The following ACSM2B variants were observed in gnomAD, a reference collection of about 807,000 sequenced individuals.
The protein encoded by ACSM2B is acyl-coenzyme A synthetase ACSM2B, mitochondrial.
In ACSM2B, 58 loss-of-function variants were observed where a neutral mutation model predicts 78.6. The observed-to-expected ratio is 0.74, with a 90% CI of 0.60 to 0.92. The LOEUF is 0.92. Ranked by LOEUF, ACSM2B falls within the 40% of genes least tolerant of loss-of-function variation. ACSM2B has a pLI of 0.00. For missense variants in ACSM2B, 688 were observed against 711.2 expected, an observed-to-expected ratio of 0.97 and a Z score of 0.37; for synonymous variants, 257 against 256.8, an observed-to-expected ratio of 1.00 and a Z score of -0.01.
At position 20,543,247 on chromosome 16, in the gene ACSM2B, T is replaced by C; in HGVS notation, c.1297A>G (p.Thr433Ala). Residue 433 changes from threonine (T) to alanine (A), a missense_variant, in exon 11 of 14, where the codon ACA becomes GCA. Thr to Ala is a moderately conservative substitution (Grantham distance 58). Coordinates refer to ENST00000329697, the MANE Select transcript of ACSM2B (RefSeq NM_001105069.2). ...AAGTCTCCTCGAATGTTGGCTGCTG[T>C]CTTGTCGGGATTTTCCTGGTGACCA... ...FSGYVENPDK[T>A]AANIRGDFWL... 2 of 1,612,224 alleles carry C rather than the reference T, an allele frequency of 1.2e-6. No homozygotes were observed. The highest frequency in any genetic ancestry group is 1.1e-5 in the South Asian group (1 of 90,948).
chr16:20,556,004 A>G (rs1023755427), intron 3 of ACSM2B, among the ~76,000 whole-genome samples: 3 of 152,238 alleles, frequency 2.0e-5, no homozygotes, highest in East Asian at 1.9e-4. Context: ...TTTATTGGGT[A>G]CAAAGCGGTA....
intron 1 of ACSM2B, among the ~76,000 whole-genome samples, chr16:20,573,154 T>G (rs1291587858): frequency 3.3e-5 from 5 of 151,904 alleles, no homozygotes; most frequent in African/African-American, 7.2e-5. Context: ...TTTTATCATA[T>G]TCCCAGAATC....
intron 13 of ACSM2B, among the ~76,000 whole-genome samples, chr16:20,540,224 GTTTTTTTTT>G (rs67241828): frequency 5.2e-5 from 4 of 77,396 alleles, no homozygotes; most frequent in Non-Finnish European, 1.6e-4. Flanking sequence ...TTTTTTTTTT[GTTTTTTTTT>G]TTTGTTTGTT....
intron 1 of ACSM2B, among the ~76,000 whole-genome samples, chr16:20,570,815 C>T (rs1207158086): frequency 6.6e-6 from 1 of 151,772 alleles, no homozygotes; most frequent in Non-Finnish European, 1.5e-5. Flanking sequence ...TTGTATCTTC[C>T]CAAGAATTTA....
At chr16:20,564,547 T>C (rs1230780168) in intron 2 of ACSM2B, 122 bp downstream of exon 2, 2 of 1,479,036 alleles carry the variant, frequency 1.4e-6, no homozygotes, top group Non-Finnish European at 1.8e-6. Flanking sequence ...GAGTGTCTTG[T>C]CCATAGCTTA....
At chr16:20,566,173 G>T (rs111928576) in intron 1 of ACSM2B, among the ~76,000 whole-genome samples, 14 of 133,394 alleles carry the variant, frequency 1.0e-4, no homozygotes, top group Non-Finnish European at 1.6e-5. Flanking sequence ...TGTAATAAAC[G>T]TCACACTCCT....
intron 6 of ACSM2B, 36 bp downstream of exon 6, chr16:20,552,108 C>T: frequency 6.4e-7 from 1 of 1,560,288 alleles, no homozygotes; most frequent in Non-Finnish European, 8.6e-7. Flanking sequence ...CTCGGGCTCA[C>T]TCTGAATAAC....
At chr16:20,555,646 A>T (rs1242192932) in intron 3 of ACSM2B, among the ~76,000 whole-genome samples, 170 bp from the exon 4 acceptor site, 1 of 152,024 alleles carries the variant, frequency 6.6e-6, no homozygotes, top group Non-Finnish European at 1.5e-5. Context: ...AGTGAATGAA[A>T]CCTAGGATTC....
chr16:20,555,057 G>T (rs1433850919), intron 4 of ACSM2B, among the ~76,000 whole-genome samples: 1 of 151,952 alleles, frequency 6.6e-6, no homozygotes, highest in African/African-American at 2.4e-5. Flanking sequence ...TCTATGTGCT[G>T]CTCAGAAGGT....
chr16:20,573,532 C>G (rs1210977427), intron 1 of ACSM2B, among the ~76,000 whole-genome samples: 2 of 140,122 alleles, frequency 1.4e-5, no homozygotes, highest in African/African-American at 5.8e-5. Context: ...TCAGTGTCCC[C>G]AGCTTCACCA....
At chr16:20,547,191 G>A (rs1475035298) in intron 8 of ACSM2B, 1 of 994,384 alleles carries the variant, frequency 1.0e-6, no homozygotes, top group Non-Finnish European at 1.2e-6. Flanking sequence ...AAGAGAGGCT[G>A]CTGAGTGATT....
intron 2 of ACSM2B, among the ~76,000 whole-genome samples, chr16:20,560,596 A>G (rs2015622551): frequency 6.6e-6 from 1 of 152,042 alleles, no homozygotes; most frequent in African/African-American, 2.4e-5. Context: ...TTTGTAAGTT[A>G]CCTAATCTCA....
At chr16:20,574,513 T>C (rs1218846461) in intron 1 of ACSM2B, 11 of 152,054 alleles carry the variant, frequency 7.2e-5, no homozygotes, top group African/African-American at 1.2e-4. Context: ...TGTTCAGAGA[T>C]TGCAGTAAAG....
chr16:20,548,055 C>G lies in ACSM2B; in HGVS notation c.1098+7G>C, dbSNP rs759383821. ...ACACAGCCCATGGTTCCCCTGGGAA[C>G]AGGTACCGTTTCTGTCTGGCCATAG... is the stretch of plus-strand genomic sequence containing the variant. On this transcript the variant is annotated splice_region_variant and intron_variant, in intron 8 of 13. Coordinates refer to ENST00000329697, the MANE Select transcript of ACSM2B (RefSeq NM_001105069.2). The G allele has an allele frequency of 1.5e-5, 25 of 1,613,924 alleles. No homozygotes were observed. Among genetic ancestry groups the G allele is most frequent in the Admixed American group, 3.3e-5 (2 of 60,010 alleles).
In ACSM2B at chr16:20,542,899, C is replaced by T. The variant is rs750257170; in HGVS notation, c.1509+15G>A. 6.2e-6 allele frequency: 10 copies of T among 1,613,636 alleles called. No homozygotes were observed. The highest frequency in any genetic ancestry group is 8.5e-6 in the Non-Finnish European group (10 of 1,179,804). On this transcript the variant is annotated intron_variant, in intron 12 of 13. Coordinates refer to ENST00000329697, the MANE Select transcript of ACSM2B (RefSeq NM_001105069.2). The stretch of plus-strand genomic sequence containing the variant: ...TTCATATCTGTTCACCCCCAGGCTA[C>T]TGCTTCCCCATCACCTCTCCTCGGA...
In ACSM2B at chr16:20,561,144, C is replaced by T. The variant is rs554078441; in HGVS notation, c.178-1697G>A. ...TCTGACATATGTTACATGCATAAAC[C>T]TTGAAGACATGCTAAGTGAAATTAG... On this transcript the variant is annotated intron_variant, in intron 2 of 13. Transcript: ENST00000329697. 2.2e-4 allele frequency among the ~76,000 whole-genome samples: 34 copies of T among 152,168 alleles called. 1 individual carries two copies. Among genetic ancestry groups the T allele is most frequent in the South Asian group, 8.4e-4 (4 of 4,772 alleles).
intron 13 of ACSM2B, among the ~76,000 whole-genome samples, chr16:20,538,725 A>G (rs1414237726): frequency 6.6e-6 from 1 of 152,112 alleles, no homozygotes; most frequent in African/African-American, 2.4e-5. Flanking sequence ...ATATTCAGTT[A>G]TACTTAAACG....
At chr16:20,573,211 A>G (rs1162848912) in intron 1 of ACSM2B, among the ~76,000 whole-genome samples, 2 of 151,826 alleles carry the variant, frequency 1.3e-5, no homozygotes, top group Non-Finnish European at 2.9e-5. Context: ...TAGAGGGAAG[A>G]TCTGGGGCTC....
intron 1 of ACSM2B, among the ~76,000 whole-genome samples, chr16:20,568,039 G>T (rs1408275065): frequency 7.0e-6 from 1 of 142,146 alleles, no homozygotes; most frequent in East Asian, 2.0e-4. Flanking sequence ...ACACTCCTGT[G>T]CCTTTCTTCC....
Sources: gnomAD v4.1 joint callset for allele counts (sites outside exome capture counted in the v4.1 genomes callset) on GRCh38, gnomAD v4.1.1 for gene constraint, MANE v1.5 for transcripts, NCBI Gene and HGNC (gene_info 2026-07-23, HGNC 2026-07-21) for gene names.